The following PCCA variants were observed in gnomAD, a reference collection of about 807,000 sequenced individuals.
The protein encoded by PCCA is propionyl-CoA carboxylase alpha chain, mitochondrial.
A neutral mutation model predicts 101.3 loss-of-function variants in PCCA; 74 were observed. That is an observed-to-expected ratio of 0.73 (90% confidence interval 0.61 to 0.89). PCCA has a LOEUF of 0.89. PCCA is among the 40% of genes least tolerant of loss of function. The pLI is 0.00. For synonymous variants in PCCA, 294 were observed against 313.6 expected (o/e 0.94, Z 0.66); for missense variants, 891 against 907.0 (o/e 0.98, Z 0.23).
chr13:100,324,810 C>T (rs1352278300), intron 16 of PCCA, among the ~76,000 whole-genome samples: 1 of 152,132 alleles, frequency 6.6e-6, no homozygotes. Flanking sequence ...TGATGCTGAT[C>T]ACCGCTGTGT....
chr13:100,372,622 C>T (rs2075642332), intron 19 of PCCA, among the ~76,000 whole-genome samples: 1 of 152,110 alleles, frequency 6.6e-6, no homozygotes, highest in Non-Finnish European at 1.5e-5. Context: ...CTGTGGGTTG[C>T]CTTCTTACTC....
intron 21 of PCCA, among the ~76,000 whole-genome samples, chr13:100,474,063 T>G (rs1214325281): frequency 1.3e-5 from 2 of 152,234 alleles, no homozygotes; most frequent in African/African-American, 4.8e-5. Context: ...CCATGAGAAG[T>G]GAGTTTTATC....
intron 22 of PCCA, among the ~76,000 whole-genome samples, chr13:100,526,109 C>T (rs921207542): frequency 2.0e-5 from 3 of 152,096 alleles, no homozygotes; most frequent in Admixed American, 1.3e-4. Context: ...TGGACCTGCT[C>T]CTGGATTCCC....
intron 4 of PCCA, among the ~76,000 whole-genome samples, chr13:100,118,118 A>T (rs2048999507): frequency 6.8e-6 from 1 of 147,174 alleles, no homozygotes. Flanking sequence ...TCCATCTCAA[A>T]AAAAAAGAAA....
intron 2 of PCCA, chr13:100,104,384 G>T (rs1348105078): frequency 6.6e-6 from 1 of 152,168 alleles, no homozygotes; most frequent in Admixed American, 6.5e-5. Context: ...TAATCCCCAT[G>T]TGTTGAGGGA....
chr13:100,491,854 A>T lies in PCCA; in HGVS notation c.1900-23573A>T, dbSNP rs12428535. The T allele has an allele frequency of 1.1e-5, 9 of 850,398 alleles. 1 individual carries two copies. Among genetic ancestry groups the T allele is most frequent in the Non-Finnish European group, 1.4e-5 (9 of 662,000 alleles). The allele number at this position is 850,398 out of a possible 1,614,324, so 52.7% of individuals were successfully genotyped here. ...CTATTTTTTAAAATAAAAATATTTT[A>T]GTGAATATGAGTTAAATGAGAATCA... On this transcript the variant is annotated intron_variant, in intron 21 of 23. Transcript: ENST00000376285.
chr13:100,102,755 T>A, intron 1 of PCCA, 128 bp from the exon 2 acceptor site: 1 of 683,472 alleles, frequency 1.5e-6, no homozygotes, highest in Non-Finnish European at 2.7e-6. Context: ...ATATTTATGG[T>A]ATATTGCCTA....
intron 16 of PCCA, among the ~76,000 whole-genome samples, chr13:100,321,345 C>G (rs988400346): frequency 1.3e-5 from 2 of 152,128 alleles, no homozygotes; most frequent in African/African-American, 4.8e-5. Context: ...TCTAAGCATC[C>G]TAGCATATTG....
chr13:100,216,833 G>A lies in PCCA; in HGVS notation c.600+7370G>A, dbSNP rs74964422. 6.1e-3 allele frequency among the ~76,000 whole-genome samples: 935 copies of A among 152,348 alleles called. 5 individuals carry two copies. Among genetic ancestry groups the A allele is most frequent in the Admixed American group, 0.012 (185 of 15,306 alleles). ...TAAGTATATAAAGAATTTCATCCGG[G>A]TATGGTGGCTCATGCCTGTAATCCC... On this transcript the variant is annotated intron_variant, in intron 7 of 23. Transcript: ENST00000376285.
intron 6 of PCCA, chr13:100,198,179 G>A (rs998480252): frequency 6.6e-6 from 1 of 152,244 alleles, no homozygotes; most frequent in Admixed American, 6.5e-5. Flanking sequence ...CACTGATTTG[G>A]TGGTACCCAG....
intron 10 of PCCA, among the ~76,000 whole-genome samples, chr13:100,267,845 A>G (rs1294343527): frequency 6.6e-6 from 1 of 152,188 alleles, no homozygotes; most frequent in Non-Finnish European, 1.5e-5. Context: ...TAGCTAGAAA[A>G]AAATTATTCA....
intron 6 of PCCA, among the ~76,000 whole-genome samples, chr13:100,184,100 C>G (rs1333777397): frequency 6.6e-6 from 1 of 152,134 alleles, no homozygotes; most frequent in African/African-American, 2.4e-5. Context: ...CCTCAGGAAA[C>G]TTACAGTCAT....
At chr13:100,419,118 C>T (rs1466643978) in intron 19 of PCCA, among the ~76,000 whole-genome samples, 1 of 152,084 alleles carries the variant, frequency 6.6e-6, no homozygotes, top group African/African-American at 2.4e-5. Context: ...CTCAAGATCA[C>T]CTCCTCAGAG....
chr13:100,483,837 C>T (rs767555877), intron 21 of PCCA, among the ~76,000 whole-genome samples: 6 of 152,192 alleles, frequency 3.9e-5, no homozygotes, highest in South Asian at 2.1e-4. Flanking sequence ...CTAATCTGCA[C>T]ATCCTCTTGT....
At chr13:100,506,372 C>T (rs991584118) in intron 21 of PCCA, among the ~76,000 whole-genome samples, 8 of 112,668 alleles carry the variant, frequency 7.1e-5, no homozygotes, top group African/African-American at 9.9e-5. Flanking sequence ...CAGAAACCTT[C>T]GCGGGCGGGG....
intron 19 of PCCA, among the ~76,000 whole-genome samples, chr13:100,383,694 T>C (rs907278983): frequency 6.6e-6 from 1 of 152,164 alleles, no homozygotes; most frequent in Non-Finnish European, 1.5e-5. Flanking sequence ...TTCTTTATAA[T>C]GTTTGTTTTG....
intron 19 of PCCA, among the ~76,000 whole-genome samples, chr13:100,419,435 G>A (rs2078599541): frequency 6.6e-6 from 1 of 150,604 alleles, no homozygotes; most frequent in Admixed American, 6.6e-5. Flanking sequence ...TTGTACCACT[G>A]TACTCTAGCC....
chr13:100,208,471 G>A (rs1447356561), intron 6 of PCCA, among the ~76,000 whole-genome samples: 1 of 152,146 alleles, frequency 6.6e-6, no homozygotes, highest in African/African-American at 2.4e-5. Context: ...AGGAAGGCCT[G>A]CATATAGGTC....
chr13:100,235,768 A>T, intron 7 of PCCA, 74 bp from the exon 8 acceptor site: 1 of 939,358 alleles, frequency 1.1e-6, no homozygotes, highest in Non-Finnish European at 1.8e-6. Context: ...CAGTAGTGCA[A>T]TATATGACTG....
Sources: allele counts gnomAD v4.1 joint callset (sites outside exome capture counted in the v4.1 genomes callset), GRCh38; gene constraint gnomAD v4.1.1; transcripts MANE v1.5; gene names NCBI Gene and HGNC (gene_info 2026-07-23, HGNC 2026-07-21).